TXLNB: variants seen among roughly 807,000 people sequenced by gnomAD.
TXLNB encodes beta-taxilin.
In TXLNB, 37 loss-of-function variants were observed where a neutral mutation model predicts 57.4. The observed-to-expected ratio is 0.64, with a 90% CI of 0.50 to 0.85. TXLNB has a LOEUF of 0.85. Among genes scored for constraint, TXLNB ranks in the 40% least tolerant of loss-of-function variants. TXLNB has a pLI of 0.00. For synonymous variants in TXLNB, 302 were observed against 309.6 expected (o/e 0.98, Z 0.26); for missense variants, 848 against 825.6 (o/e 1.03, Z -0.33).
the TXLNB span, among the ~76,000 whole-genome samples, chr6:139,187,715 ATC>A: frequency 2.0e-5 from 3 of 152,170 alleles, no homozygotes; most frequent in Non-Finnish European, 1.5e-5. Context: ...GCCAGCATTC[ATC>A]TGGCCGAGGT....
At chr6:139,165,522 A>AT in the TXLNB span, among the ~76,000 whole-genome samples, 1 of 151,212 alleles carries the variant, frequency 6.6e-6, no homozygotes, top group South Asian at 2.1e-4. Context: ...ACGGGAATAG[A>AT]TTCACTTCCC....
At chr6:139,318,507 T>C in the TXLNB span, among the ~76,000 whole-genome samples, 2 of 150,226 alleles carry the variant, frequency 1.3e-5, no homozygotes, top group Non-Finnish European at 2.9e-5. Flanking sequence ...AGTCAAACAT[T>C]CAAGAATCTC....
chr6:139,243,208 AT>A lies in TXLNB; in HGVS notation c.1372del (p.Ile458SerfsTer43). The A allele has an allele frequency of 1.2e-6, 2 of 1,613,836 alleles. No individual in the cohort carries two copies. Among genetic ancestry groups the A allele is most frequent in the Middle Eastern group, 3.3e-4 (2 of 6,062 alleles). On this transcript the variant is annotated frameshift_variant, in exon 10 of 10. Transcript: ENST00000358430. LOFTEE classifies it low-confidence loss of function (END_TRUNC). ...QEERNELHKK[I>X]RDAEISEKDD... Reference sequence around the variant, plus strand: ...CTTTTCAGATATTTCTGCGTCTCTGATTTTTTTGTGGAGTTCGTTTCTCTCT... The same window carrying A: ...CTTTTCAGATATTTCTGCGTCTCTGATTTTTTGTGGAGTTCGTTTCTCTCT...
At chr6:139,245,166 G>A (rs1776040447) in intron 8 of TXLNB, among the ~76,000 whole-genome samples, 1 of 152,120 alleles carries the variant, frequency 6.6e-6, no homozygotes, top group Admixed American at 6.5e-5. Context: ...TATAGAGTGA[G>A]GTAGAGTTCA....
chr6:139,279,351 G>A (rs1288958170), intron 2 of TXLNB, among the ~76,000 whole-genome samples: 1 of 152,112 alleles, frequency 6.6e-6, no homozygotes, highest in African/African-American at 2.4e-5. Context: ...GCTCTACTGT[G>A]TTATTTTGTA....
chr6:139,316,053 G>C, the TXLNB span, among the ~76,000 whole-genome samples: 5 of 152,248 alleles, frequency 3.3e-5, no homozygotes, highest in African/African-American at 1.2e-4. Context: ...AAAAATGACA[G>C]GGAGAAAAAA....
At chr6:139,313,726 A>G in the TXLNB span, among the ~76,000 whole-genome samples, 2 of 152,170 alleles carry the variant, frequency 1.3e-5, no homozygotes, top group Non-Finnish European at 2.9e-5. Context: ...AGGCAGCCCC[A>G]GTATTCATTT....
At chr6:139,319,086 G>A in the TXLNB span, among the ~76,000 whole-genome samples, 2 of 151,628 alleles carry the variant, frequency 1.3e-5, no homozygotes, top group Non-Finnish European at 2.9e-5. Context: ...GGGACTACAG[G>A]CACGCACCAT....
the TXLNB span, chr6:139,178,359 T>A: frequency 1.1e-4 from 17 of 152,302 alleles, no homozygotes; most frequent in East Asian, 3.1e-3. Flanking sequence ...CTTATAGAAT[T>A]GGAATATGAT....
chr6:139,305,142 G>C, the TXLNB span, among the ~76,000 whole-genome samples: 2 of 152,094 alleles, frequency 1.3e-5, no homozygotes, highest in African/African-American at 4.8e-5. Context: ...AAGTAGAATT[G>C]TTCCCCCAAA....
chr6:139,259,923 A>G (rs935560107), intron 6 of TXLNB, among the ~76,000 whole-genome samples: 1 of 152,168 alleles, frequency 6.6e-6, no homozygotes, highest in Non-Finnish European at 1.5e-5. Context: ...CTCTTTGACC[A>G]TTATAAAAAC....
the TXLNB span, among the ~76,000 whole-genome samples, chr6:139,321,796 T>TAA: frequency 6.6e-6 from 1 of 151,728 alleles, no homozygotes; most frequent in African/African-American, 2.4e-5. Context: ...CACGCCTGGC[T>TAA]AATTTTTTTG....
chr6:139,311,663 G>A, the TXLNB span, among the ~76,000 whole-genome samples: 1 of 152,122 alleles, frequency 6.6e-6, no homozygotes, highest in Non-Finnish European at 1.5e-5. Flanking sequence ...CTGGAAGGAA[G>A]GACATCCAGA....
the TXLNB span, among the ~76,000 whole-genome samples, chr6:139,309,856 G>A: frequency 1.3e-5 from 2 of 152,054 alleles, no homozygotes; most frequent in Non-Finnish European, 2.9e-5. Flanking sequence ...TTTGAAAAGG[G>A]CATCAAGAAG....
the TXLNB span, among the ~76,000 whole-genome samples, chr6:139,190,305 C>CTTTTTTTTTTTTT: frequency 9.2e-6 from 1 of 108,884 alleles, no homozygotes. Flanking sequence ...TTCTTTCTTT[C>CTTTTTTTTTTTTT]TTTCTTTTTT....
the TXLNB span, among the ~76,000 whole-genome samples, chr6:139,302,499 C>A: frequency 6.6e-6 from 1 of 151,284 alleles, no homozygotes. Context: ...TGCGGTGGCT[C>A]ACACCTGTAA....
chr6:139,277,508 C>T (rs771660787), intron 2 of TXLNB, among the ~76,000 whole-genome samples: 2 of 152,050 alleles, frequency 1.3e-5, no homozygotes, highest in Non-Finnish European at 2.9e-5. Context: ...CATTCCCTGG[C>T]GTTGGAGTGG....
chr6:139,255,922 A>C (rs1038248962), intron 6 of TXLNB, among the ~76,000 whole-genome samples: 3 of 151,726 alleles, frequency 2.0e-5, no homozygotes, highest in Non-Finnish European at 4.4e-5. Flanking sequence ...GAAAAAAAAA[A>C]AAAACCAAAA....
At chr6:139,211,387 C>A in the TXLNB span, among the ~76,000 whole-genome samples, 5 of 152,184 alleles carry the variant, frequency 3.3e-5, no homozygotes, top group African/African-American at 4.8e-5. Flanking sequence ...AGTGGACTTC[C>A]AGTAAACTCC....
Sources: gnomAD v4.1 joint callset for allele counts (sites outside exome capture counted in the v4.1 genomes callset) on GRCh38, gnomAD v4.1.1 for gene constraint, MANE v1.5 for transcripts, NCBI Gene and HGNC (gene_info 2026-07-23, HGNC 2026-07-21) for gene names.